Variants in LPP observed in about 807,000 individuals in gnomAD.
LPP encodes the protein LIM domain containing preferred translocation partner in lipoma.
LPP carries 38 observed loss-of-function variants against 60.4 expected under a neutral mutation model. The ratio of observed to expected loss-of-function variants is 0.63; its 90% CI spans 0.49 to 0.83. The LOEUF (loss-of-function observed/expected upper bound fraction) is 0.83. Among genes scored for constraint, LPP ranks in the 40% least tolerant of loss-of-function variants. The pLI is 0.00. For missense variants in LPP, 902 were observed against 783.6 expected, an observed-to-expected ratio of 1.15 and a Z score of -1.80; for synonymous variants, 328 against 290.8, an observed-to-expected ratio of 1.13 and a Z score of -1.30.
At chr3:188,805,895 T>C (rs1301945317) in intron 9 of LPP, among the ~76,000 whole-genome samples, 2 of 151,756 alleles carry the variant, frequency 1.3e-5, no homozygotes, top group Non-Finnish European at 3.0e-5. Context: ...TTCTAGGCCT[T>C]TCTGTTATTG....
chr3:188,435,310 G>A (rs113402791), intron 4 of LPP, among the ~76,000 whole-genome samples: 1 of 151,942 alleles, frequency 6.6e-6, no homozygotes, highest in Non-Finnish European at 1.5e-5. Context: ...AACTCACAAG[G>A]GTTTACTTTT....
chr3:188,501,458 A>G (rs765752558), intron 5 of LPP, among the ~76,000 whole-genome samples: 2 of 152,112 alleles, frequency 1.3e-5, no homozygotes, highest in Non-Finnish European at 2.9e-5. Flanking sequence ...ACTAAAAATT[A>G]CAAAATATTG....
chr3:188,286,515 T>C (rs919934299), intron 2 of LPP, among the ~76,000 whole-genome samples: 1 of 152,208 alleles, frequency 6.6e-6, no homozygotes. Context: ...CAGTATTTTC[T>C]CTGTTACTGC....
chr3:188,762,937 C>T (rs559058312), intron 9 of LPP, among the ~76,000 whole-genome samples: 1 of 152,096 alleles, frequency 6.6e-6, no homozygotes, highest in South Asian at 2.1e-4. Context: ...AGTCCTCAAG[C>T]CCTCAGATGG....
At chr3:188,208,653 G>A (rs1467796829) in intron 1 of LPP, among the ~76,000 whole-genome samples, 10 of 152,162 alleles carry the variant, frequency 6.6e-5, no homozygotes, top group Admixed American at 3.3e-4. Flanking sequence ...TCTTTGAAAC[G>A]TCCATCTCTA....
intron 7 of LPP, among the ~76,000 whole-genome samples, chr3:188,623,027 T>TAAA (rs747020083): frequency 2.5e-5 from 2 of 79,460 alleles, no homozygotes; most frequent in Admixed American, 2.4e-4. Flanking sequence ...GACTCCATCT[T>TAAA]AAAAAAAAAA....
In LPP at chr3:188,823,448, G is replaced by C. The variant is rs113210942; in HGVS notation, c.1411-42752G>C. Among the ~76,000 whole-genome samples, 109 of 152,122 alleles carry C rather than the reference G, an allele frequency of 7.2e-4. 1 individual carries two copies. Among genetic ancestry groups the C allele is most frequent in the African/African-American group, 2.6e-3 (106 of 41,498 alleles). ...GATGGAAAGTTGGCATCCCAGTTCGGAACCAATTTTTATTGGGCACAGACT... is the reference window on the plus strand; with the variant it reads ...GATGGAAAGTTGGCATCCCAGTTCGCAACCAATTTTTATTGGGCACAGACT... On this transcript the variant is annotated intron_variant, in intron 9 of 11. Transcript: ENST00000617246.
intron 9 of LPP, among the ~76,000 whole-genome samples, chr3:188,778,908 AG>A (rs1315886981): frequency 2.6e-5 from 4 of 152,198 alleles, no homozygotes; most frequent in African/African-American, 9.6e-5. Context: ...GGACAAGCAA[AG>A]AGAAACTGTA....
chr3:188,226,844 C>G (rs1717947954), intron 2 of LPP, among the ~76,000 whole-genome samples: 1 of 152,166 alleles, frequency 6.6e-6, no homozygotes, highest in Non-Finnish European at 1.5e-5. Context: ...TTTTCTTAAT[C>G]AGTGTATCTT....
At chr3:188,872,499 C>A in intron 10 of LPP, 144 bp from the exon 11 acceptor site, 1 of 827,532 alleles carries the variant, frequency 1.2e-6, no homozygotes, top group South Asian at 1.6e-5. Context: ...GAAGAACCTC[C>A]ACAGTCCCTG....
intron 4 of LPP, among the ~76,000 whole-genome samples, chr3:188,421,139 A>G (rs1488722649): frequency 2.2e-4 from 34 of 152,160 alleles, no homozygotes; most frequent in Admixed American, 2.2e-3. Flanking sequence ...TTTGAACCAA[A>G]TTGTGTTCTT....
chr3:188,788,542 A>C (rs1742642764), intron 9 of LPP, among the ~76,000 whole-genome samples: 1 of 152,168 alleles, frequency 6.6e-6, no homozygotes, highest in Admixed American at 6.5e-5. Context: ...CTGTATTTAA[A>C]TTACCTATTT....
chr3:188,336,521 A>T, intron 2 of LPP, among the ~76,000 whole-genome samples: 1 of 152,298 alleles, frequency 6.6e-6, no homozygotes, highest in East Asian at 1.9e-4. Flanking sequence ...ATGAGGCACC[A>T]TGTAGTAGTG....
intron 9 of LPP, among the ~76,000 whole-genome samples, chr3:188,857,250 G>A (rs1352304193): frequency 1.3e-5 from 2 of 152,206 alleles, no homozygotes; most frequent in Non-Finnish European, 2.9e-5. Flanking sequence ...TTTATGAGAG[G>A]CTATGGGAAA....
chr3:188,625,576 G>A (rs1459151938), intron 7 of LPP, among the ~76,000 whole-genome samples: 1 of 152,084 alleles, frequency 6.6e-6, no homozygotes, highest in Non-Finnish European at 1.5e-5. Flanking sequence ...ATACTATATA[G>A]ATCATTGAAT....
At chr3:188,600,133 G>GTACATA (rs1840829846) in intron 6 of LPP, among the ~76,000 whole-genome samples, 3 of 149,824 alleles carry the variant, frequency 2.0e-5, no homozygotes, top group African/African-American at 7.3e-5. Flanking sequence ...ACATACACAT[G>GTACATA]GACATTGGAA....
intron 8 of LPP, among the ~76,000 whole-genome samples, chr3:188,757,119 G>C (rs1296268127): frequency 6.6e-6 from 1 of 152,198 alleles, no homozygotes; most frequent in Non-Finnish European, 1.5e-5. Flanking sequence ...GCCCCTGTGA[G>C]TGTGGTTTTC....
intron 9 of LPP, among the ~76,000 whole-genome samples, chr3:188,840,317 C>CAACT (rs1371428394): frequency 2.6e-5 from 4 of 152,140 alleles, no homozygotes; most frequent in African/African-American, 9.7e-5. Context: ...TACCTACATA[C>CAACT]AACTACATCT....
At chr3:188,173,651 C>G (rs1289808137) in intron 1 of LPP, among the ~76,000 whole-genome samples, 1 of 152,142 alleles carries the variant, frequency 6.6e-6, no homozygotes, top group Non-Finnish European at 1.5e-5. Flanking sequence ...TGAAGTCGAG[C>G]AGGATGGGAC....
Sources: allele counts gnomAD v4.1 joint callset (sites outside exome capture counted in the v4.1 genomes callset), GRCh38; gene constraint gnomAD v4.1.1; transcripts MANE v1.5; gene names NCBI Gene and HGNC (gene_info 2026-07-23, HGNC 2026-07-21).